FOXK1: variants seen among roughly 807,000 people sequenced by gnomAD.
FOXK1 encodes the protein forkhead box protein K1.
Under a neutral mutation model 51.9 loss-of-function variants are expected in FOXK1, and 19 were observed. That is an observed-to-expected ratio of 0.37 (90% confidence interval 0.26 to 0.54). The LOEUF (loss-of-function observed/expected upper bound fraction) is 0.54, where lower values mean the gene tolerates loss of function less well. Among genes scored for constraint, FOXK1 ranks in the 20% least tolerant of loss-of-function variants. The pLI is 0.87. For missense variants in FOXK1, 870 were observed against 1,032.7 expected, an observed-to-expected ratio of 0.84 and a Z score of 2.16; for synonymous variants, 537 against 482.6, an observed-to-expected ratio of 1.11 and a Z score of -1.48.
chr7:4,733,197 A>G lies in FOXK1; in HGVS notation c.561-7641A>G, dbSNP rs1448927923. Among the ~76,000 whole-genome samples the G allele has an allele frequency of 1.3e-5, 2 of 148,840 alleles. No individual in the cohort carries two copies. Among genetic ancestry groups the G allele is most frequent in the African/African-American group, 2.5e-5 (1 of 40,234 alleles). ...TGACGGTCTTTTTTTTTTTAATTTT[A>G]TTATTTTTTTATTTCAAGCTGGGTT... On this transcript the variant is annotated intron_variant, in intron 1 of 8. Transcript: ENST00000328914. The surrounding 1 kb of genome is among the most constrained non-coding windows in gnomAD (Gnocchi z 5.0).
intron 1 of FOXK1, among the ~76,000 whole-genome samples, chr7:4,732,787 A>G (rs529606232): frequency 6.6e-6 from 1 of 152,332 alleles, no homozygotes; most frequent in Non-Finnish European, 1.5e-5. Flanking sequence ...TAGAGAAGAC[A>G]GGGTCTGGCT....
chr7:4,754,422 A>T (rs1229122322), intron 2 of FOXK1, 37 bp from the exon 3 acceptor site: 1 of 1,601,666 alleles, frequency 6.2e-7, no homozygotes, highest in Admixed American at 1.7e-5. Flanking sequence ...CCCCCTCTTC[A>T]GAGCCATGAA....
chr7:4,682,295 G>C lies in FOXK1; in HGVS notation c.-14G>C. 3 of 985,694 alleles carry C rather than the reference G, an allele frequency of 3.0e-6. No individual in the cohort carries two copies. The highest frequency in any genetic ancestry group is 3.6e-6 in the Non-Finnish European group (3 of 832,402). The allele number at this position is 985,694 out of a possible 1,614,324, so 61.1% of individuals were successfully genotyped here. The stretch of plus-strand genomic sequence containing the variant: ...CAGCCGCCGCCGCCGGAGGCCGCTC[G>C]GAGCCGCGCGAACATGGCCGAAGTC... On this transcript the variant is annotated 5_prime_UTR_variant, in exon 1 of 9. Coordinates refer to ENST00000328914, the MANE Select transcript of FOXK1 (RefSeq NM_001037165.2). This position sits in a 1 kb window ranked among gnomAD's most constrained non-coding sequence, Gnocchi z 7.6.
rs887592605 is a variant in FOXK1, at chr7:4,753,233, T to C, written c.747-1226T>C. Among the ~76,000 whole-genome samples, 1 of 152,208 alleles carries C rather than the reference T, an allele frequency of 6.6e-6. No individual in the cohort carries two copies. Among genetic ancestry groups the C allele is most frequent in the African/African-American group, 2.4e-5 (1 of 41,468 alleles). On this transcript the variant is annotated intron_variant, in intron 2 of 8. Coordinates refer to ENST00000328914, the MANE Select transcript of FOXK1 (RefSeq NM_001037165.2). This position sits in a 1 kb window ranked among gnomAD's most constrained non-coding sequence, Gnocchi z 4.9. ...TCAGCCACAGGATTTTTTTCATTCA[T>C]TCCTCTGCTCCATCCAAAAAATGTT...
rs909389196 is a variant in FOXK1, at chr7:4,733,698, G to C, written c.561-7140G>C. On this transcript the variant is annotated intron_variant, in intron 1 of 8. Coordinates refer to ENST00000328914, the MANE Select transcript of FOXK1 (RefSeq NM_001037165.2). This position sits in a 1 kb window ranked among gnomAD's most constrained non-coding sequence, Gnocchi z 5.0. ...AGGAAGCTGCCCAGTGCCCACATGG[G>C]AACTGCATCCTGCAGGTATCGCTCG... Among the ~76,000 whole-genome samples the C allele has an allele frequency of 3.9e-5, 6 of 152,210 alleles. No homozygotes were observed. The highest frequency in any genetic ancestry group is 1.4e-4 in the African/African-American group (6 of 41,450).
At chr7:4,697,554 C>A (rs1032943336) in intron 1 of FOXK1, among the ~76,000 whole-genome samples, 4 of 152,174 alleles carry the variant, frequency 2.6e-5, no homozygotes, top group African/African-American at 9.7e-5. Context: ...GTCTGCACAC[C>A]CCTGCCTTAG....
chr7:4,706,811 T>C (rs1583188014), intron 1 of FOXK1, among the ~76,000 whole-genome samples: 1 of 152,096 alleles, frequency 6.6e-6, no homozygotes, highest in East Asian at 1.9e-4. Context: ...GACCCCGGAG[T>C]TGGGCTGACC....
chr7:4,738,453 AAAAAG>A (rs1353452246), intron 1 of FOXK1, among the ~76,000 whole-genome samples: 1 of 152,064 alleles, frequency 6.6e-6, no homozygotes, highest in East Asian at 1.9e-4. Flanking sequence ...AAAAAAAAGA[AAAAAG>A]AAAATGGGTG....
chr7:4,708,580 T>C (rs1562374104), intron 1 of FOXK1, among the ~76,000 whole-genome samples: 1 of 152,250 alleles, frequency 6.6e-6, no homozygotes, highest in Non-Finnish European at 1.5e-5. Flanking sequence ...CATAAAAGTA[T>C]AGCAATTTGC....
chr7:4,757,271 C>T (rs879867844), intron 5 of FOXK1, 84 bp downstream of exon 5: 1 of 1,247,662 alleles, frequency 8.0e-7, no homozygotes, highest in East Asian at 2.3e-5. Context: ...GCAGTCAGCC[C>T]TCCGGATCTG....
chr7:4,687,703 C>T (rs994438844), intron 1 of FOXK1, among the ~76,000 whole-genome samples: 10 of 152,314 alleles, frequency 6.6e-5, no homozygotes, highest in Admixed American at 4.6e-4. Context: ...CCCATACTTG[C>T]TCTTCCCTCT....
intron 1 of FOXK1, among the ~76,000 whole-genome samples, chr7:4,685,302 C>T (rs920784900): frequency 6.7e-6 from 1 of 149,714 alleles, no homozygotes; most frequent in African/African-American, 2.5e-5. Context: ...GCAAACTCTA[C>T]CTCCCGGGTT....
At position 4,770,783 on chromosome 7, in the gene FOXK1, A is replaced by G. The variant is rs950209583; in HGVS notation, c.*8319A>G. 2 of 151,712 alleles carry G rather than the reference A, an allele frequency of 1.3e-5. No homozygotes were observed. Among genetic ancestry groups the G allele is most frequent in the Non-Finnish European group, 2.9e-5 (2 of 68,006 alleles). The allele number at this position is 151,712 out of a possible 1,614,324, so 9.4% of individuals were successfully genotyped here. A position where few individuals can be genotyped will look rare whatever the true frequency, so the allele number is the denominator to read the frequency against. The stretch of plus-strand genomic sequence containing the variant: ...ACACGTGCAGGAGGGGTTAAAGCCA[A>G]TATTGAGTTTTTGTTCTTGTTGTTT... On this transcript the variant is annotated 3_prime_UTR_variant, in exon 9 of 9. Transcript: ENST00000328914.
At position 4,747,816 on chromosome 7, in the gene FOXK1, C is replaced by A. The variant is rs553320447; in HGVS notation, c.747-6643C>A. ...AAGTGCCAAGATTACAAGCCTGGGC[C>A]TGTTTTTGTTGTGGTTGTTGTTGCC... On this transcript the variant is annotated intron_variant, in intron 2 of 8. Coordinates refer to ENST00000328914, the MANE Select transcript of FOXK1 (RefSeq NM_001037165.2). The surrounding 1 kb of genome is among the most constrained non-coding windows in gnomAD (Gnocchi z 9.2). Among the ~76,000 whole-genome samples, 1 of 151,992 alleles carries A rather than the reference C, an allele frequency of 6.6e-6. No homozygotes were observed. The highest frequency in any genetic ancestry group is 1.5e-5 in the Non-Finnish European group (1 of 67,990).
At chr7:4,688,816 G>T (rs917948690) in intron 1 of FOXK1, among the ~76,000 whole-genome samples, 1 of 152,004 alleles carries the variant, frequency 6.6e-6, no homozygotes, top group South Asian at 2.1e-4. Flanking sequence ...TAGACCCGGG[G>T]ATTCCATCAG....
intron 1 of FOXK1, among the ~76,000 whole-genome samples, chr7:4,725,429 T>A (rs1780367602): frequency 6.6e-6 from 1 of 152,172 alleles, no homozygotes; most frequent in African/African-American, 2.4e-5. Context: ...CCGGGCTTAG[T>A]TGTTGTCTCA....
At chr7:4,712,294 C>T (rs747881364) in intron 1 of FOXK1, among the ~76,000 whole-genome samples, 1 of 152,020 alleles carries the variant, frequency 6.6e-6, no homozygotes, top group Admixed American at 6.6e-5. Flanking sequence ...GTTCCTGTCT[C>T]CATAAATGCG....
chr7:4,762,555 G>A lies in FOXK1; in HGVS notation c.*91G>A, dbSNP rs1340460884. ...CAGGCGGCCGCACCCACAGACGGAG[G>A]AGAACAGCCCGCGGCGGCCTGTGGG... On this transcript the variant is annotated 3_prime_UTR_variant, in exon 9 of 9. Coordinates refer to ENST00000328914, the MANE Select transcript of FOXK1 (RefSeq NM_001037165.2). The surrounding 1 kb of genome is among the most constrained non-coding windows in gnomAD (Gnocchi z 5.7). The A allele has an allele frequency of 1.6e-5, 22 of 1,352,208 alleles. 1 individual carries two copies. The highest frequency in any genetic ancestry group is 5.2e-4 in the Middle Eastern group (2 of 3,824). 83.8% of individuals were successfully genotyped at this position (1,352,208 alleles called of 1,614,324 possible).
Position 4,756,256 on chromosome 7 carries a change from A to C in FOXK1, c.1051-738A>C, listed in dbSNP as rs1236608118. 6.6e-6 allele frequency among the ~76,000 whole-genome samples: 1 copy of C among 152,128 alleles called. No homozygotes were observed. The highest frequency in any genetic ancestry group is 2.4e-5 in the African/African-American group (1 of 41,450). ...CAGCCTCCCAAGTAGCTGGGGCTAC[A>C]GGTGCCCACCACCACACCTGGCTAT... On this transcript the variant is annotated intron_variant, in intron 4 of 8. Coordinates refer to ENST00000328914, the MANE Select transcript of FOXK1 (RefSeq NM_001037165.2). This position sits in a 1 kb window ranked among gnomAD's most constrained non-coding sequence, Gnocchi z 4.1.
Sources: gnomAD v4.1 joint callset for allele counts (sites outside exome capture counted in the v4.1 genomes callset) on GRCh38, gnomAD v4.1.1 for gene constraint, Gnocchi (gnomAD v3.1) non-coding constraint, MANE v1.5 for transcripts, NCBI Gene and HGNC (gene_info 2026-07-23, HGNC 2026-07-21) for gene names.